Variants in STK32B observed in about 807,000 individuals in gnomAD.
STK32B encodes the protein serine/threonine kinase 32B, also known as serine/threonine-protein kinase 32B.
A neutral mutation model predicts 52.6 loss-of-function variants in STK32B; 43 were observed. The observed-to-expected ratio is 0.82, with a 90% confidence interval of 0.64 to 1.05. The LOEUF (loss-of-function observed/expected upper bound fraction) is 1.05. Ranked by LOEUF, STK32B falls within the 50% of genes least tolerant of loss-of-function variation. STK32B has a pLI of 0.00. For missense variants in STK32B, 621 were observed against 534.6 expected (o/e 1.16, Z -1.59); for synonymous variants, 238 against 204.3 (o/e 1.17, Z -1.41).
At chr4:5,416,276 A>C (rs769922889) in intron 5 of STK32B, among the ~76,000 whole-genome samples, 17 of 150,504 alleles carry the variant, frequency 1.1e-4, no homozygotes, top group Non-Finnish European at 1.8e-4. Flanking sequence ...CTTCCTTGTC[A>C]TGTTTCTTGA....
At chr4:5,203,750 T>G (rs1294693461) in intron 3 of STK32B, among the ~76,000 whole-genome samples, 2 of 152,198 alleles carry the variant, frequency 1.3e-5, no homozygotes, top group African/African-American at 4.8e-5. Flanking sequence ...ATGCCTCAGA[T>G]CATTCCTTTG....
At chr4:5,416,569 A>AT (rs1268510043) in intron 5 of STK32B, among the ~76,000 whole-genome samples, 4 of 152,202 alleles carry the variant, frequency 2.6e-5, no homozygotes, top group Admixed American at 2.6e-4. Flanking sequence ...AGGAGCTTTA[A>AT]TTCTCCACAT....
chr4:5,031,531 C>T, the STK32B span, among the ~76,000 whole-genome samples: 2 of 151,450 alleles, frequency 1.3e-5, no homozygotes, highest in African/African-American at 4.9e-5. Context: ...TCCAAGAGGT[C>T]GAGGCTGGAG....
intron 3 of STK32B, chr4:5,204,216 G>C (rs141665159): frequency 1.3e-5 from 2 of 152,096 alleles, no homozygotes; most frequent in African/African-American, 2.4e-5. Context: ...TAGATCTCTC[G>C]AGCTGGCTGG....
At chr4:5,247,107 C>G (rs1270752685) in intron 3 of STK32B, among the ~76,000 whole-genome samples, 2 of 152,232 alleles carry the variant, frequency 1.3e-5, no homozygotes, top group Non-Finnish European at 2.9e-5. Context: ...AGCTGTCAGA[C>G]AGGGACATTT....
At position 5,401,918 on chromosome 4, in the gene STK32B, G is replaced by A. The variant is rs116379930; in HGVS notation, c.472+3674G>A. 4.3e-3 allele frequency among the ~76,000 whole-genome samples: 661 copies of A among 152,318 alleles called. 6 individuals are homozygous for A. The highest frequency in any genetic ancestry group is 0.015 in the African/African-American group (623 of 41,566). On this transcript the variant is annotated intron_variant, in intron 5 of 11. Transcript: ENST00000282908. ...GGCTTGCTCCTAAGACCAAGGTTGG[G>A]TAGGCAGGACTGTTGATGTTGGCTA...
intron 3 of STK32B, among the ~76,000 whole-genome samples, chr4:5,237,423 ATTG>A (rs1228907991): frequency 4.6e-5 from 7 of 152,190 alleles, no homozygotes; most frequent in African/African-American, 1.4e-4. Flanking sequence ...CATCTCATTT[ATTG>A]TTGTGAAGAG....
At chr4:5,350,404 A>G (rs1156884336) in intron 4 of STK32B, among the ~76,000 whole-genome samples, 2 of 152,144 alleles carry the variant, frequency 1.3e-5, no homozygotes, top group African/African-American at 4.8e-5. Context: ...CCTACAAGAA[A>G]TGCTTGAGGG....
chr4:5,302,621 T>C (rs1420509701), intron 3 of STK32B, among the ~76,000 whole-genome samples: 1 of 152,114 alleles, frequency 6.6e-6, no homozygotes, highest in Non-Finnish European at 1.5e-5. Context: ...TTATTAAATT[T>C]TAATAGGTTT....
chr4:5,188,346 A>G (rs1218074948), intron 3 of STK32B, among the ~76,000 whole-genome samples: 1 of 152,132 alleles, frequency 6.6e-6, no homozygotes, highest in Non-Finnish European at 1.5e-5. Context: ...TGCTGTAGTG[A>G]GCTTAATTAA....
At chr4:5,439,155 C>G (rs1290182109) in intron 6 of STK32B, among the ~76,000 whole-genome samples, 5 of 148,192 alleles carry the variant, frequency 3.4e-5, no homozygotes, top group Admixed American at 6.7e-5. Context: ...ATTTCTAGTT[C>G]TAGATCCCTG....
At chr4:5,059,323 T>C (rs888004169) in intron 1 of STK32B, among the ~76,000 whole-genome samples, 1 of 152,076 alleles carries the variant, frequency 6.6e-6, no homozygotes, top group Non-Finnish European at 1.5e-5. Flanking sequence ...ATTTTACAAT[T>C]AAGTATTATA....
intron 4 of STK32B, among the ~76,000 whole-genome samples, chr4:5,353,951 T>A (rs1422832027): frequency 1.3e-5 from 2 of 152,220 alleles, no homozygotes; most frequent in Admixed American, 6.5e-5. Flanking sequence ...ATTGCCACAC[T>A]ATTCACAATT....
intron 1 of STK32B, among the ~76,000 whole-genome samples, chr4:5,107,456 C>G (rs141440197): frequency 4.0e-4 from 61 of 152,274 alleles, no homozygotes; most frequent in African/African-American, 1.3e-3. Context: ...GTCTCTGGTC[C>G]TAAAAGTGTG....
chr4:5,089,493 A>G (rs1369856450), intron 1 of STK32B, among the ~76,000 whole-genome samples: 1 of 152,170 alleles, frequency 6.6e-6, no homozygotes, highest in Non-Finnish European at 1.5e-5. Context: ...AGCTTCATCC[A>G]TGTCCCTGCA....
intron 3 of STK32B, among the ~76,000 whole-genome samples, chr4:5,322,497 G>A (rs949315540): frequency 2.6e-5 from 4 of 152,182 alleles, no homozygotes; most frequent in African/African-American, 9.7e-5. Context: ...CAGGAGATGA[G>A]TGTTGTAGAC....
At chr4:5,169,246 C>A (rs995253452) in intron 3 of STK32B, among the ~76,000 whole-genome samples, 2 of 152,172 alleles carry the variant, frequency 1.3e-5, no homozygotes, top group Non-Finnish European at 2.9e-5. Context: ...TGTCCTCACA[C>A]AGAAATTGCT....
intron 2 of STK32B, among the ~76,000 whole-genome samples, chr4:5,153,177 A>G (rs1015519690): frequency 6.6e-6 from 1 of 152,154 alleles, no homozygotes; most frequent in Non-Finnish European, 1.5e-5. Context: ...TCAGGAGGAA[A>G]ATGTCCATCA....
intron 5 of STK32B, among the ~76,000 whole-genome samples, chr4:5,409,738 C>T (rs1232689188): frequency 6.6e-6 from 1 of 152,084 alleles, no homozygotes; most frequent in African/African-American, 2.4e-5. Context: ...AGAAATGTTG[C>T]ATTTCTTGTC....
Sources: gnomAD v4.1 joint callset for allele counts (sites outside exome capture counted in the v4.1 genomes callset) on GRCh38, gnomAD v4.1.1 for gene constraint, MANE v1.5 for transcripts, NCBI Gene and HGNC (gene_info 2026-07-23, HGNC 2026-07-21) for gene names.